The following ECI2 variants were observed in gnomAD, a reference collection of about 807,000 sequenced individuals.
The protein encoded by ECI2 is D3,D2-enoyl-CoA isomerase.
A neutral mutation model predicts 38.4 loss-of-function variants in ECI2; 27 were observed. The ratio of observed to expected loss-of-function variants is 0.70; its 90% CI spans 0.52 to 0.97. The LOEUF (loss-of-function observed/expected upper bound fraction) is 0.97, where lower values mean the gene tolerates loss of function less well. ECI2 is among the 50% of genes least tolerant of loss of function. The probability of loss-of-function intolerance (pLI) is 0.00; values close to 1 mark genes in which losing one functional copy is unlikely to be tolerated. For missense variants in ECI2, 470 were observed against 474.4 expected, an observed-to-expected ratio of 0.99 and a Z score of 0.09; for synonymous variants, 168 against 172.0, an observed-to-expected ratio of 0.98 and a Z score of 0.18.
intron 6 of ECI2, chr6:4,125,926 A>T (rs768608290): frequency 1.5e-6 from 1 of 673,424 alleles, no homozygotes; most frequent in South Asian, 1.5e-5. Flanking sequence ...ATCTCATGAG[A>T]CCAGCAGGAT....
At chr6:4,127,267 T>C (rs1402866054) in intron 5 of ECI2, among the ~76,000 whole-genome samples, 1 of 152,314 alleles carries the variant, frequency 6.6e-6, no homozygotes, top group African/African-American at 2.4e-5. Flanking sequence ...TGTCTGCTCC[T>C]GTAAAAGTCT....
chr6:4,116,838 G>A (rs1772311994), intron 9 of ECI2, among the ~76,000 whole-genome samples: 1 of 152,216 alleles, frequency 6.6e-6, no homozygotes, highest in African/African-American at 2.4e-5. Flanking sequence ...GTGTGGGGCA[G>A]GCCTGTGATA....
At position 4,127,404 on chromosome 6, in the gene ECI2, C is replaced by CTTTTTT. The variant is rs71001567; in HGVS notation, c.571+352_571+357dup. 4.2e-4 allele frequency among the ~76,000 whole-genome samples: 32 copies of CTTTTTT among 75,898 alleles called. 4 individuals are homozygous for CTTTTTT. Among genetic ancestry groups the CTTTTTT allele is most frequent in the African/African-American group, 1.6e-3 (30 of 18,318 alleles). The allele number at this position is 75,898 out of a possible 152,430, so 49.8% of individuals were successfully genotyped here. A position where few individuals can be genotyped will look rare whatever the true frequency, so the allele number is the denominator to read the frequency against. ...ACAGTACTGGAAAAGATCTTAGAGC[C>CTTTTTT]TTTTTTTTTTTTTTTTTTTTTTTTT... On this transcript the variant is annotated intron_variant, in intron 5 of 9. Transcript: ENST00000380118.
chr6:4,117,751 A>C (rs1303523065), intron 8 of ECI2: 1 of 254,026 alleles, frequency 3.9e-6, no homozygotes, highest in Non-Finnish European at 7.4e-6. Flanking sequence ...AACCCACAGC[A>C]GCTATGATTT....
At chr6:4,116,168 T>A in intron 9 of ECI2, 139 bp from the exon 10 acceptor site, 1 of 823,896 alleles carries the variant, frequency 1.2e-6, no homozygotes. Flanking sequence ...CTGGCCAACA[T>A]GGTGAAACCC....
chr6:4,116,278 G>A (rs1772263732), intron 9 of ECI2, among the ~76,000 whole-genome samples: 1 of 151,804 alleles, frequency 6.6e-6, no homozygotes, highest in African/African-American at 2.4e-5. Context: ...TTGAACCCGG[G>A]AGGCGGAGGT....
At chr6:4,123,928 T>G (rs796911446) in intron 7 of ECI2, among the ~76,000 whole-genome samples, 14 of 152,000 alleles carry the variant, frequency 9.2e-5, no homozygotes, top group African/African-American at 3.4e-4. Context: ...GCCACTGCAT[T>G]CCAGCTTGGG....
chr6:4,133,666 A>T lies in ECI2; in HGVS notation c.96T>A (p.Asn32Lys). Residue 32 changes from asparagine to lysine, a missense_variant, in exon 2 of 10, where the codon AAT (asparagine) becomes AAA (lysine). Asn to Lys is a moderately conservative substitution (Grantham distance 94, BLOSUM62 0). Coordinates refer to ENST00000380118, the MANE Select transcript of ECI2 (RefSeq NM_206836.3). ...TCTGACTGGCTCTCATTGCTGTTCT[A>T]TTCATGTGCAGCTGAACTACCGGGA... ...TSFPVVQLHM[N>K]RTAMRASQKD... The T allele has an allele frequency of 6.2e-7, 1 of 1,613,328 alleles. No individual in the cohort carries two copies. Among genetic ancestry groups the T allele is most frequent in the East Asian group, 2.2e-5 (1 of 44,862 alleles).
At chr6:4,122,137 C>G (rs1772835098) in intron 7 of ECI2, 3 of 688,336 alleles carry the variant, frequency 4.4e-6, no homozygotes, top group Non-Finnish European at 7.2e-6. Flanking sequence ...GCTCTGGCGT[C>G]AGACTACTTA....
At chr6:4,125,906 T>C (rs761811219) in intron 6 of ECI2, 1 of 646,732 alleles carries the variant, frequency 1.5e-6, no homozygotes, top group Non-Finnish European at 2.8e-6. Flanking sequence ...CTTTTATGTT[T>C]TCCAGTCAAA....
rs1481786389 is a variant in ECI2, at chr6:4,130,835, G to A, written c.244C>T (p.Pro82Ser). 6.8e-6 allele frequency: 11 copies of A among 1,614,056 alleles called. No homozygotes were observed. Among genetic ancestry groups the A allele is most frequent in the East Asian group, 2.2e-5 (1 of 44,886 alleles). ...ATEGPCNMPK[P>S]GVFDLINKAK... ...TTGTTGATCAAGTCAAATACACCTG[G>A]TTTGGGCATGTTACAAGGTCCTTCA... The change falls in exon 3 of 10, where the codon CCA becomes TCA. Residue 82 changes from proline to serine, a missense_variant. Coordinates refer to ENST00000380118, the MANE Select transcript of ECI2 (RefSeq NM_206836.3).
chr6:4,120,548 G>A (rs954654248), intron 7 of ECI2, among the ~76,000 whole-genome samples: 2 of 152,048 alleles, frequency 1.3e-5, no homozygotes, highest in Non-Finnish European at 2.9e-5. Flanking sequence ...CCAACGTAGT[G>A]AAACCCCATC....
intron 2 of ECI2, 132 bp from the exon 3 acceptor site, chr6:4,130,997 G>GA (rs1434176416): frequency 1.2e-5 from 9 of 767,742 alleles, no homozygotes; most frequent in Non-Finnish European, 1.8e-5. Context: ...AAATTGATCT[G>GA]AATTTTCCCC....
intron 8 of ECI2, chr6:4,117,734 A>G (rs577188466): frequency 1.1e-4 from 33 of 297,420 alleles, no homozygotes; most frequent in African/African-American, 6.9e-4. Context: ...CAGATGCTTG[A>G]TTCTATAACC....
intron 9 of ECI2, among the ~76,000 whole-genome samples, chr6:4,116,518 G>C (rs1490063117): frequency 6.7e-6 from 1 of 148,760 alleles, no homozygotes; most frequent in East Asian, 2.1e-4. Flanking sequence ...TTGGCTCATT[G>C]CAACCTCTGC....
chr6:4,132,183 G>A (rs189255844), intron 2 of ECI2, among the ~76,000 whole-genome samples: 7 of 152,324 alleles, frequency 4.6e-5, no homozygotes, highest in African/African-American at 1.7e-4. Context: ...TCCAAGGGAG[G>A]ACACACACAG....
intron 1 of ECI2, chr6:4,135,050 T>A: frequency 2.2e-6 from 1 of 450,380 alleles, no homozygotes; most frequent in African/African-American, 2.0e-5. Context: ...TTTCACTTTA[T>A]AGCATACGTG....
rs746148888 is a variant in ECI2, at chr6:4,119,189, G to C, written c.882C>G (p.Ala294=). The C allele has an allele frequency of 6.2e-7, 1 of 1,611,736 alleles. No individual in the cohort carries two copies. The highest frequency in any genetic ancestry group is 8.5e-7 in the Non-Finnish European group (1 of 1,179,072). Residue 294 remains alanine (A), a synonymous_variant, in exon 8 of 10, where the codon GCC becomes GCG. Transcript: ENST00000380118. The stretch of plus-strand genomic sequence containing the variant: ...ATTTAAACATTCCAAAAGTTACCTT[G>C]GCTGGGCTCATTATCTTCGGAAAAG... The part of the protein sequence containing the change: ...SYTFPKIMSP[A]KATEMLIFGK...
At chr6:4,130,681 G>A in intron 3 of ECI2, 86 bp downstream of exon 3, 2 of 1,601,418 alleles carry the variant, frequency 1.2e-6, no homozygotes, top group South Asian at 2.2e-5. Context: ...TCAAGATCTT[G>A]AAGACTCCAT....
Sources: gnomAD v4.1 joint callset for allele counts (sites outside exome capture counted in the v4.1 genomes callset) on GRCh38, gnomAD v4.1.1 for gene constraint, MANE v1.5 for transcripts, NCBI Gene and HGNC (gene_info 2026-07-23, HGNC 2026-07-21) for gene names.